PRKG1: variants seen among roughly 807,000 people sequenced by gnomAD.
PRKG1 encodes cGMP-dependent protein kinase 1.
PRKG1 carries 35 observed loss-of-function variants against 88.1 expected under a neutral mutation model. The observed-to-expected ratio is 0.40, with a 90% CI of 0.30 to 0.53. PRKG1 has a LOEUF of 0.53. Ranked by LOEUF, PRKG1 falls within the 20% of genes least tolerant of loss-of-function variation. The probability of loss-of-function intolerance (pLI) is 0.59; values close to 1 mark genes in which losing one functional copy is unlikely to be tolerated. For synonymous variants in PRKG1, 303 were observed against 292.5 expected, an observed-to-expected ratio of 1.04 and a Z score of -0.37; for missense variants, 540 against 839.8, an observed-to-expected ratio of 0.64 and a Z score of 4.41.
At chr10:51,114,070 A>G (rs1205399333) in intron 1 of PRKG1, among the ~76,000 whole-genome samples, 1 of 151,980 alleles carries the variant, frequency 6.6e-6, no homozygotes, top group Admixed American at 6.6e-5. Context: ...GAAACAAACT[A>G]GCATTTAACA....
At chr10:51,269,071 A>G (rs1200454904) in intron 2 of PRKG1, among the ~76,000 whole-genome samples, 3 of 152,318 alleles carry the variant, frequency 2.0e-5, no homozygotes, top group South Asian at 4.1e-4. Context: ...GCATGAATGA[A>G]CAATTCTCAA....
At chr10:51,323,765 G>T (rs963801461) in intron 2 of PRKG1, among the ~76,000 whole-genome samples, 1 of 152,102 alleles carries the variant, frequency 6.6e-6, no homozygotes, top group Admixed American at 6.5e-5. Context: ...AGCTAAGATG[G>T]GTCTAGAGAC....
At chr10:52,126,256 C>A (rs1847928563) in intron 7 of PRKG1, among the ~76,000 whole-genome samples, 1 of 151,888 alleles carries the variant, frequency 6.6e-6, no homozygotes. Flanking sequence ...CAAGGTCAGG[C>A]ATACAAAATA....
At chr10:51,882,669 G>A (rs1366474478) in intron 4 of PRKG1, among the ~76,000 whole-genome samples, 1 of 152,200 alleles carries the variant, frequency 6.6e-6, no homozygotes, top group African/African-American at 2.4e-5. Flanking sequence ...GCAGTCTTCA[G>A]AGCTTTTTCT....
At chr10:52,018,621 C>A (rs1486777164) in intron 5 of PRKG1, among the ~76,000 whole-genome samples, 1 of 152,152 alleles carries the variant, frequency 6.6e-6, no homozygotes, top group Non-Finnish European at 1.5e-5. Context: ...AACCTAGTTT[C>A]TTTCATATCC....
intron 14 of PRKG1, among the ~76,000 whole-genome samples, chr10:52,285,032 C>T (rs557711082): frequency 6.6e-6 from 1 of 152,090 alleles, no homozygotes; most frequent in South Asian, 2.1e-4. Flanking sequence ...CCAACTTTCC[C>T]TGTTCTATTC....
At chr10:51,119,149 A>G (rs1163826554) in intron 1 of PRKG1, among the ~76,000 whole-genome samples, 1 of 152,074 alleles carries the variant, frequency 6.6e-6, no homozygotes, top group East Asian at 1.9e-4. Context: ...CTAAATTCAT[A>G]TTATTTGTAA....
At chr10:52,096,643 C>G (rs1218072021) in intron 7 of PRKG1, among the ~76,000 whole-genome samples, 1 of 152,138 alleles carries the variant, frequency 6.6e-6, no homozygotes, top group East Asian at 1.9e-4. Flanking sequence ...CTCCCTGTGA[C>G]TTTGCATTAA....
intron 3 of PRKG1, among the ~76,000 whole-genome samples, chr10:51,617,872 G>A (rs1028269078): frequency 6.6e-6 from 1 of 152,120 alleles, no homozygotes; most frequent in African/African-American, 2.4e-5. Flanking sequence ...CTTACATGGT[G>A]GCAAAGCATC....
At chr10:51,863,712 G>A (rs569340952) in intron 4 of PRKG1, among the ~76,000 whole-genome samples, 11 of 151,996 alleles carry the variant, frequency 7.2e-5, no homozygotes, top group Non-Finnish European at 1.2e-4. Flanking sequence ...ACTAAATTTG[G>A]CCCCTCAACC....
intron 17 of PRKG1, among the ~76,000 whole-genome samples, chr10:52,292,495 C>T (rs951280016): frequency 2.0e-5 from 3 of 151,862 alleles, no homozygotes; most frequent in African/African-American, 7.3e-5. Flanking sequence ...AGCCAGTTTT[C>T]CCAGCACCAT....
intron 3 of PRKG1, among the ~76,000 whole-genome samples, chr10:51,524,575 C>G (rs957608047): frequency 1.3e-5 from 2 of 152,060 alleles, no homozygotes; most frequent in Non-Finnish European, 2.9e-5. Context: ...ACAATTTATC[C>G]TTAGCTCTTG....
intron 3 of PRKG1, among the ~76,000 whole-genome samples, chr10:51,471,784 C>T (rs1018289493): frequency 6.6e-6 from 1 of 151,882 alleles, no homozygotes; most frequent in Admixed American, 6.6e-5. Context: ...TTCAAATGGT[C>T]TCATTCAACT....
chr10:51,832,717 G>T (rs889238285), intron 4 of PRKG1, among the ~76,000 whole-genome samples: 2 of 152,104 alleles, frequency 1.3e-5, no homozygotes, highest in African/African-American at 4.8e-5. Context: ...AGGGTCCCAT[G>T]ATTGAATCTT....
chr10:51,077,517 A>ACC (rs1843987380), intron 1 of PRKG1, among the ~76,000 whole-genome samples: 1 of 152,042 alleles, frequency 6.6e-6, no homozygotes, highest in African/African-American at 2.4e-5. Context: ...CCTTCTGAGG[A>ACC]TTATAATTTT....
chr10:52,010,173 G>T (rs982885115), intron 5 of PRKG1, among the ~76,000 whole-genome samples: 1 of 152,070 alleles, frequency 6.6e-6, no homozygotes, highest in Non-Finnish European at 1.5e-5. Flanking sequence ...ATTGGCAACT[G>T]GTATCTAATT....
intron 8 of PRKG1, among the ~76,000 whole-genome samples, chr10:52,151,777 A>G (rs756998451): frequency 1.3e-5 from 2 of 152,212 alleles, no homozygotes; most frequent in Non-Finnish European, 2.9e-5. Context: ...TTTCCTCCTA[A>G]ACACTGAAAA....
intron 3 of PRKG1, among the ~76,000 whole-genome samples, chr10:51,761,316 T>C (rs1838016856): frequency 6.6e-6 from 1 of 152,254 alleles, no homozygotes; most frequent in Non-Finnish European, 1.5e-5. Flanking sequence ...TAGATGTCAA[T>C]ATAGGCTGTG....
At chr10:52,064,426 G>A (rs551601667) in intron 7 of PRKG1, among the ~76,000 whole-genome samples, 51 of 152,332 alleles carry the variant, frequency 3.3e-4, no homozygotes, top group Admixed American at 2.2e-3. Flanking sequence ...GGGCCAGGGG[G>A]CCCTTCCCAG....
Sources: allele counts gnomAD v4.1 joint callset (sites outside exome capture counted in the v4.1 genomes callset), GRCh38; gene constraint gnomAD v4.1.1; transcripts MANE v1.5; gene names NCBI Gene and HGNC (gene_info 2026-07-23, HGNC 2026-07-21).